Variants in HIVEP3 observed in about 807,000 individuals in gnomAD.
HIVEP3 encodes transcription factor HIVEP3.
HIVEP3 carries 49 observed loss-of-function variants against 152.8 expected under a neutral mutation model. That is an observed-to-expected ratio of 0.32 (90% confidence interval 0.26 to 0.41). The LOEUF (loss-of-function observed/expected upper bound fraction) is 0.41, where lower values mean the gene tolerates loss of function less well. HIVEP3 is among the 10% of genes least tolerant of loss of function. The pLI, the probability that HIVEP3 is intolerant of heterozygous loss-of-function variation, is 1.00. For missense variants in HIVEP3, 2,790 were observed against 3,103.3 expected (o/e 0.90, Z 2.40); for synonymous variants, 1,269 against 1,289.0 (o/e 0.98, Z 0.33).
intron 5 of HIVEP3, among the ~76,000 whole-genome samples, chr1:41,561,331 T>C (rs1021601805): frequency 2.0e-5 from 3 of 151,930 alleles, no homozygotes; most frequent in African/African-American, 4.8e-5. Context: ...CCAGAAAGGG[T>C]CACACAAAGT....
At chr1:41,833,251 C>A (rs1643014971) in intron 1 of HIVEP3, among the ~76,000 whole-genome samples, 1 of 152,126 alleles carries the variant, frequency 6.6e-6, no homozygotes, top group Non-Finnish European at 1.5e-5. Context: ...CTCTGGATGG[C>A]CCTGCTGACC....
intron 5 of HIVEP3, among the ~76,000 whole-genome samples, chr1:41,547,264 A>G (rs1282718959): frequency 6.6e-6 from 1 of 152,194 alleles, no homozygotes; most frequent in Admixed American, 6.5e-5. Flanking sequence ...GGCTCAAAAG[A>G]TGGCCAGCAG....
At chr1:41,925,950 A>G (rs1644966155) in intron 1 of HIVEP3, among the ~76,000 whole-genome samples, 1 of 152,192 alleles carries the variant, frequency 6.6e-6, no homozygotes, top group Non-Finnish European at 1.5e-5. Context: ...TGTGAAATGT[A>G]TAATTTCCCA....
chr1:41,624,496 G>T (rs1270930314), intron 3 of HIVEP3, among the ~76,000 whole-genome samples: 2 of 152,158 alleles, frequency 1.3e-5, no homozygotes, highest in Non-Finnish European at 2.9e-5. Flanking sequence ...GACCTTCACC[G>T]TTGAAATGTA....
intron 1 of HIVEP3, among the ~76,000 whole-genome samples, chr1:41,914,302 A>G (rs923035260): frequency 4.6e-5 from 7 of 152,206 alleles, no homozygotes; most frequent in Admixed American, 4.6e-4. Flanking sequence ...CCTTTTCTCC[A>G]TCATATTACA....
At chr1:41,528,176 TC>T (rs1385446708) in intron 5 of HIVEP3, among the ~76,000 whole-genome samples, 3 of 52,572 alleles carry the variant, frequency 5.7e-5, no homozygotes, top group Admixed American at 1.9e-4. Flanking sequence ...ACACTCCACA[TC>T]CCCACCCTCA....
intron 3 of HIVEP3, among the ~76,000 whole-genome samples, chr1:41,599,600 C>T (rs569170997): frequency 6.6e-6 from 1 of 152,032 alleles, no homozygotes; most frequent in African/African-American, 2.4e-5. Flanking sequence ...GAATCAAAGA[C>T]CTAAACTCAG....
At chr1:41,684,513 G>A (rs1304788487) in intron 2 of HIVEP3, among the ~76,000 whole-genome samples, 1 of 152,228 alleles carries the variant, frequency 6.6e-6, no homozygotes, top group African/African-American at 2.4e-5. Flanking sequence ...GGCTGAACCT[G>A]TGCAGGCCGA....
intron 1 of HIVEP3, among the ~76,000 whole-genome samples, chr1:41,867,446 T>G (rs1255697787): frequency 5.9e-5 from 9 of 152,136 alleles, no homozygotes; most frequent in Admixed American, 5.2e-4. Context: ...GCAGACCCCC[T>G]CCTAGAGGAA....
chr1:41,545,667 ACAG>A (rs1643774138), intron 5 of HIVEP3, among the ~76,000 whole-genome samples: 1 of 106,070 alleles, frequency 9.4e-6, no homozygotes, highest in Non-Finnish European at 1.9e-5. Flanking sequence ...CACCCCTGCC[ACAG>A]CCACCACCAC....
At chr1:41,878,666 C>A (rs1056031660) in intron 1 of HIVEP3, among the ~76,000 whole-genome samples, 2 of 151,532 alleles carry the variant, frequency 1.3e-5, no homozygotes, top group Non-Finnish European at 2.9e-5. Flanking sequence ...TTCCTTCCTT[C>A]CTCTCTCCCT....
chr1:41,758,032 C>A (rs934519412), intron 1 of HIVEP3, among the ~76,000 whole-genome samples: 1 of 152,142 alleles, frequency 6.6e-6, no homozygotes, highest in Non-Finnish European at 1.5e-5. Flanking sequence ...TTTTTAATAA[C>A]AATTATATAT....
chr1:41,795,514 A>G (rs1029359322), intron 1 of HIVEP3, among the ~76,000 whole-genome samples: 1 of 152,184 alleles, frequency 6.6e-6, no homozygotes, highest in African/African-American at 2.4e-5. Flanking sequence ...ATACTCTATT[A>G]TTTGGAAGTG....
intron 3 of HIVEP3, among the ~76,000 whole-genome samples, chr1:41,627,002 T>C (rs984532146): frequency 6.6e-6 from 1 of 152,182 alleles, no homozygotes; most frequent in African/African-American, 2.4e-5. Flanking sequence ...CCAGACTCAC[T>C]GAGGTTTGGG....
chr1:42,015,363 G>A (rs958536458), intron 1 of HIVEP3, among the ~76,000 whole-genome samples: 2 of 152,164 alleles, frequency 1.3e-5, no homozygotes, highest in Non-Finnish European at 2.9e-5. Context: ...TACTCAGTGA[G>A]TGCCAAAGCC....
At chr1:42,004,295 G>A (rs541483940) in intron 1 of HIVEP3, among the ~76,000 whole-genome samples, 2 of 152,164 alleles carry the variant, frequency 1.3e-5, no homozygotes, top group Admixed American at 6.5e-5. Flanking sequence ...AGACAGCAGG[G>A]GCTCATGACT....
rs1031658939 is a variant in HIVEP3 at position 41,953,291 on chromosome 1, G to C, written n.120-34767C>G. ...AGCTGTTAATAATACTGACTCTGGA[G>C]TCAGACTGCCTGGGTTCAAGTCAGA... On this transcript the variant is annotated intron_variant and non_coding_transcript_variant, in intron 1 of 3. Coordinates refer to the HIVEP3 transcript ENST00000489103. 3.9e-5 allele frequency among the ~76,000 whole-genome samples: 6 copies of C among 152,198 alleles called. No individual in the cohort carries two copies. In the South Asian group the frequency reaches 6.2e-4, roughly 16 times the overall value.
chr1:41,739,458 C>T (rs979109641), intron 1 of HIVEP3, among the ~76,000 whole-genome samples: 2 of 152,210 alleles, frequency 1.3e-5, no homozygotes, highest in Non-Finnish European at 2.9e-5. Flanking sequence ...GCCAAGTGAC[C>T]GCCCACAGAG....
chr1:41,673,930 G>A (rs11811772), intron 2 of HIVEP3, among the ~76,000 whole-genome samples: 1,777 of 152,290 alleles, frequency 0.012, 24 homozygotes, highest in African/African-American at 0.04. Flanking sequence ...ACCCCAGCCC[G>A]TGCAGAAGGT....
Sources: gnomAD v4.1 joint callset for allele counts (sites outside exome capture counted in the v4.1 genomes callset) on GRCh38, gnomAD v4.1.1 for gene constraint, MANE v1.5 for transcripts, NCBI Gene and HGNC (gene_info 2026-07-23, HGNC 2026-07-21) for gene names.